Variants in PRKN observed in about 807,000 individuals in gnomAD.
The protein encoded by PRKN is E3 ubiquitin-protein ligase parkin.
PRKN carries 56 observed loss-of-function variants against 59.5 expected under a neutral mutation model. The observed-to-expected ratio is 0.94, with a 90% CI of 0.76 to 1.18. The LOEUF (loss-of-function observed/expected upper bound fraction) is 1.18, where lower values mean the gene tolerates loss of function less well. Among genes scored for constraint, PRKN ranks in the 50% most tolerant of loss-of-function variants. The pLI is 0.00. For missense variants in PRKN, 657 were observed against 596.4 expected, an observed-to-expected ratio of 1.10 and a Z score of -1.06; for synonymous variants, 250 against 222.1, an observed-to-expected ratio of 1.13 and a Z score of -1.12.
intron 6 of PRKN, among the ~76,000 whole-genome samples, chr6:161,929,498 T>C (rs1443922407): frequency 6.6e-6 from 1 of 151,766 alleles, no homozygotes; most frequent in Non-Finnish European, 1.5e-5. Context: ...AAATGTTTAG[T>C]TTTATGTGAA....
At chr6:161,973,840 A>C (rs1008857336) in intron 5 of PRKN, among the ~76,000 whole-genome samples, 3 of 152,144 alleles carry the variant, frequency 2.0e-5, no homozygotes, top group Non-Finnish European at 4.4e-5. Context: ...GAAGTAACCC[A>C]AGCTCCCCGC....
At position 161,396,153 on chromosome 6, in the gene PRKN, C is replaced by T. The variant is rs73606925; in HGVS notation, c.1084-9276G>A. Reference sequence around the variant, plus strand: ...TCCCCCGCCTCTTTTCTTACTTTCTCTTTACTGTAACCATTTCTGAAAACA... The same window carrying T: ...TCCCCCGCCTCTTTTCTTACTTTCTTTTTACTGTAACCATTTCTGAAAACA... On this transcript the variant is annotated intron_variant, in intron 9 of 11. Coordinates refer to ENST00000366898, the MANE Select transcript of PRKN (RefSeq NM_004562.3). The surrounding 1 kb of genome is among the most constrained non-coding windows in gnomAD (Gnocchi z 5.4). 0.013 allele frequency among the ~76,000 whole-genome samples: 2,048 copies of T among 152,278 alleles called. 50 individuals carry two copies. The highest frequency in any genetic ancestry group is 0.046 in the African/African-American group (1,925 of 41,540).
intron 1 of PRKN, among the ~76,000 whole-genome samples, chr6:162,497,437 G>A (rs1793117462): frequency 6.6e-6 from 1 of 152,232 alleles, no homozygotes; most frequent in Non-Finnish European, 1.5e-5. Context: ...TTGTCAAAAT[G>A]TGAGCCCAGA....
chr6:161,885,403 G>A (rs954519620), intron 6 of PRKN, among the ~76,000 whole-genome samples: 3 of 150,988 alleles, frequency 2.0e-5, no homozygotes, highest in Non-Finnish European at 4.4e-5. Flanking sequence ...CGGTGGCTCA[G>A]CCTGTAATCC....
At chr6:162,436,498 G>T (rs1789778633) in intron 2 of PRKN, among the ~76,000 whole-genome samples, 1 of 151,730 alleles carries the variant, frequency 6.6e-6, no homozygotes, top group South Asian at 2.1e-4. Context: ...TTTTAGTAGA[G>T]ACGGGGTTTC....
chr6:162,577,990 T>G (rs531521738), intron 1 of PRKN, among the ~76,000 whole-genome samples: 1 of 152,214 alleles, frequency 6.6e-6, no homozygotes, highest in African/African-American at 2.4e-5. Flanking sequence ...GCAAAAATGA[T>G]TGAAAGGAAG....
Position 161,439,771 on chromosome 6 carries a change from G to A in PRKN, c.1084-52894C>T, listed in dbSNP as rs146633056. 2.2e-3 allele frequency among the ~76,000 whole-genome samples: 330 copies of A among 152,172 alleles called. 1 individual carries two copies. The highest frequency in any genetic ancestry group is 7.5e-3 in the African/African-American group (310 of 41,496). On this transcript the variant is annotated intron_variant, in intron 9 of 11. Coordinates refer to ENST00000366898, the MANE Select transcript of PRKN (RefSeq NM_004562.3). ...CATTAATTAAGAAAACAGATGATAA[G>A]AGATTTGGCTTCAATAAACATGTAC...
At chr6:162,360,925 A>G (rs1399314509) in intron 2 of PRKN, among the ~76,000 whole-genome samples, 3 of 152,216 alleles carry the variant, frequency 2.0e-5, no homozygotes, top group African/African-American at 7.2e-5. Flanking sequence ...GAGTTTTTGA[A>G]TTAAATTTTT....
At chr6:161,645,031 A>G in intron 7 of PRKN, among the ~76,000 whole-genome samples, 1 of 152,100 alleles carries the variant, frequency 6.6e-6, no homozygotes, top group East Asian at 1.9e-4. Context: ...AATTGGTTAG[A>G]TTTTGTTTCT....
At chr6:161,810,584 G>C (rs1333423449) in intron 6 of PRKN, among the ~76,000 whole-genome samples, 1 of 152,134 alleles carries the variant, frequency 6.6e-6, no homozygotes, top group Middle Eastern at 3.2e-3. Flanking sequence ...TACCTTGGTT[G>C]GGAAGCTGAC....
intron 2 of PRKN, among the ~76,000 whole-genome samples, chr6:162,425,453 A>G (rs1789189793): frequency 6.6e-6 from 1 of 152,222 alleles, no homozygotes; most frequent in Non-Finnish European, 1.5e-5. Context: ...TACAGATATC[A>G]TTAAATTACT....
At chr6:162,370,258 T>C (rs1785681499) in intron 2 of PRKN, among the ~76,000 whole-genome samples, 1 of 152,182 alleles carries the variant, frequency 6.6e-6, no homozygotes, top group Non-Finnish European at 1.5e-5. Context: ...ACCTGGCAGA[T>C]GATTTGGATG....
At chr6:161,606,650 A>G (rs1268412332) in intron 7 of PRKN, among the ~76,000 whole-genome samples, 1 of 152,242 alleles carries the variant, frequency 6.6e-6, no homozygotes, top group African/African-American at 2.4e-5. Flanking sequence ...AGCAGAGCAG[A>G]GAAAGCTAAA....
At chr6:162,372,975 T>C (rs138095422) in intron 2 of PRKN, among the ~76,000 whole-genome samples, 1 of 152,266 alleles carries the variant, frequency 6.6e-6, no homozygotes, top group African/African-American at 2.4e-5. Flanking sequence ...TAGGCAATTT[T>C]ATGTGGATGT....
intron 6 of PRKN, among the ~76,000 whole-genome samples, chr6:161,875,438 C>T (rs1794699113): frequency 6.6e-6 from 1 of 151,952 alleles, no homozygotes; most frequent in Admixed American, 6.6e-5. Flanking sequence ...CGTTATCTGC[C>T]TGCCTCGGCC....
intron 3 of PRKN, among the ~76,000 whole-genome samples, chr6:162,243,094 A>T (rs1023093631): frequency 6.6e-6 from 1 of 152,050 alleles, no homozygotes; most frequent in African/African-American, 2.4e-5. Flanking sequence ...CTAAAAGCAT[A>T]TGCTATGAAT....
rs558972402 is a variant in PRKN at position 161,370,622 on chromosome 6, C to T, written c.1168-10417G>A. ...AAAAAAAAAAAAAAAGCCGAATTAGCGCCTAGGAGACACATTGATATACAT... is the reference window on the plus strand; with the variant it reads ...AAAAAAAAAAAAAAAGCCGAATTAGTGCCTAGGAGACACATTGATATACAT... On this transcript the variant is annotated intron_variant, in intron 10 of 11. Coordinates refer to ENST00000366898, the MANE Select transcript of PRKN (RefSeq NM_004562.3). 1.2e-4 allele frequency among the ~76,000 whole-genome samples: 15 copies of T among 127,402 alleles called. No homozygotes were observed. In the South Asian group the frequency reaches 1.6e-3, roughly 14 times the overall value. 83.6% of individuals were successfully genotyped at this position (127,402 alleles called of 152,430 possible).
At position 161,440,771 on chromosome 6, in the gene PRKN, T is replaced by C. The variant is rs1789169350; in HGVS notation, c.1084-53894A>G. 6.6e-6 allele frequency among the ~76,000 whole-genome samples: 1 copy of C among 152,180 alleles called. No homozygotes were observed. The highest frequency in any genetic ancestry group is 6.5e-5 in the Admixed American group (1 of 15,280). Reference sequence around the variant, plus strand: ...GGTCCTGAGAGCTCCCTGACATCATTCAGGACTGAAGGTAGAAAGTAGAAT... The same window carrying C: ...GGTCCTGAGAGCTCCCTGACATCATCCAGGACTGAAGGTAGAAAGTAGAAT... On this transcript the variant is annotated intron_variant, in intron 9 of 11. Transcript: ENST00000366898. This position sits in a 1 kb window ranked among gnomAD's most constrained non-coding sequence, Gnocchi z 4.1.
At chr6:162,049,716 G>C (rs1332543305) in intron 5 of PRKN, among the ~76,000 whole-genome samples, 1 of 152,126 alleles carries the variant, frequency 6.6e-6, no homozygotes, top group Non-Finnish European at 1.5e-5. Context: ...TTGACTCAGT[G>C]ATTTGAATGT....
Sources: gnomAD v4.1 joint callset for allele counts (sites outside exome capture counted in the v4.1 genomes callset) on GRCh38, gnomAD v4.1.1 for gene constraint, Gnocchi (gnomAD v3.1) non-coding constraint, MANE v1.5 for transcripts, NCBI Gene and HGNC (gene_info 2026-07-23, HGNC 2026-07-21) for gene names.